Variants in GFPT2 observed in about 807,000 individuals in gnomAD.
GFPT2 encodes the protein glutamine--fructose-6-phosphate aminotransferase [isomerizing] 2.
GFPT2 carries 62 observed loss-of-function variants against 85.6 expected under a neutral mutation model. The ratio of observed to expected loss-of-function variants is 0.72; its 90% CI spans 0.59 to 0.90. The LOEUF (loss-of-function observed/expected upper bound fraction) is 0.90, where lower values mean the gene tolerates loss of function less well. GFPT2 is among the 40% of genes least tolerant of loss of function. GFPT2 has a pLI of 0.00. For missense variants in GFPT2, 788 were observed against 893.4 expected (o/e 0.88, Z 1.50); for synonymous variants, 368 against 344.5 (o/e 1.07, Z -0.75).
At chr5:180,321,209 T>C (rs1428600274) in intron 9 of GFPT2, among the ~76,000 whole-genome samples, 1 of 151,832 alleles carries the variant, frequency 6.6e-6, no homozygotes, top group African/African-American at 2.4e-5. Context: ...AGTAGAAACA[T>C]GGAGTGACAA....
intron 4 of GFPT2, among the ~76,000 whole-genome samples, chr5:180,332,751 G>GC (rs1764327967): frequency 6.6e-6 from 1 of 152,068 alleles, no homozygotes. Context: ...TGTTAGCCAG[G>GC]CTGGTCTCGA....
intron 9 of GFPT2, among the ~76,000 whole-genome samples, chr5:180,320,050 T>G (rs1764088547): frequency 6.6e-6 from 1 of 152,074 alleles, no homozygotes; most frequent in Non-Finnish European, 1.5e-5. Flanking sequence ...TGGAGTGCAG[T>G]GGCGCGATCT....
At chr5:180,305,934 C>A (rs914056559) in intron 16 of GFPT2, among the ~76,000 whole-genome samples, 1 of 151,818 alleles carries the variant, frequency 6.6e-6, no homozygotes, top group Non-Finnish European at 1.5e-5. Context: ...TGAATGTTTC[C>A]GGTAACCACT....
At chr5:180,344,600 G>A (rs1379893553) in intron 1 of GFPT2, among the ~76,000 whole-genome samples, 2 of 152,194 alleles carry the variant, frequency 1.3e-5, no homozygotes, top group African/African-American at 4.8e-5. Context: ...AGTGGGACCT[G>A]AGAGCTTCTG....
chr5:180,315,564 AAGT>A (rs1206852774), intron 13 of GFPT2, among the ~76,000 whole-genome samples: 1 of 152,220 alleles, frequency 6.6e-6, no homozygotes. Context: ...ATTGGCTTCA[AAGT>A]AACCCCATGG....
At chr5:180,303,045 T>C (rs75797946) in intron 17 of GFPT2, among the ~76,000 whole-genome samples, 20,179 of 132,482 alleles carry the variant, frequency 0.15, 2,202 homozygotes, top group East Asian at 0.22. Context: ...CTGGCTAACA[T>C]GGTGAAACCC....
At position 180,312,196 on chromosome 5, in the gene GFPT2, G is replaced by GGGGAGGCGGGGAGGCA. The variant is rs1561873480; in HGVS notation, c.1546+233_1546+234insTGCCTCCCCGCCTCCC. ...CAGGGAGGCTGAGGACCAGGGAGGC[G>GGGGAGGCGGGGAGGCA]GGGAGGCAGGGAGGCAGGGAGGCAG... On this transcript the variant is annotated intron_variant, in intron 15 of 18. Coordinates refer to ENST00000253778, the MANE Select transcript of GFPT2 (RefSeq NM_005110.4). 1.3e-4 allele frequency among the ~76,000 whole-genome samples: 6 copies of GGGGAGGCGGGGAGGCA among 46,734 alleles called. 2 individuals carry two copies. The highest frequency in any genetic ancestry group is 2.4e-4 in the Non-Finnish European group (6 of 25,366). 30.7% of individuals were successfully genotyped at this position (46,734 alleles called of 152,430 possible). A position where few individuals can be genotyped will look rare whatever the true frequency, so the allele number is the denominator to read the frequency against.
chr5:180,337,696 T>C (rs1290034728), intron 2 of GFPT2, among the ~76,000 whole-genome samples: 1 of 151,964 alleles, frequency 6.6e-6, no homozygotes, highest in Non-Finnish European at 1.5e-5. Flanking sequence ...AACACAACGC[T>C]GCGCATACTT....
At position 180,327,236 on chromosome 5, in the gene GFPT2, G is replaced by A. The variant is rs555276631; in HGVS notation, c.596+1041C>T. ...GGCCATTTAGAGCCGGCCTCTGTCC[G>A]CCTCTCCACTCCCCACAGCCTTTGA... On this transcript the variant is annotated intron_variant, in intron 7 of 18. Coordinates refer to ENST00000253778, the MANE Select transcript of GFPT2 (RefSeq NM_005110.4). Among the ~76,000 whole-genome samples, 7 of 152,220 alleles carry A rather than the reference G, an allele frequency of 4.6e-5. 1 individual carries two copies. Among genetic ancestry groups the A allele is most frequent in the East Asian group, 1.9e-4 (1 of 5,172 alleles).
chr5:180,313,970 G>T lies in GFPT2; in HGVS notation c.1274-6C>A. 1 of 1,589,290 alleles carries T rather than the reference G, an allele frequency of 6.3e-7. No individual in the cohort carries two copies. Among genetic ancestry groups the T allele is most frequent in the Non-Finnish European group, 8.5e-7 (1 of 1,174,468 alleles). ...GAGGGTGTCCGCGGTCTCGCCTGCC[G>T]CCCAGGGGCCCTCTCAGTGCCGCGC... On this transcript the variant is annotated splice_polypyrimidine_tract_variant and splice_region_variant and intron_variant, in intron 13 of 18. Transcript: ENST00000253778.
intron 1 of GFPT2, among the ~76,000 whole-genome samples, chr5:180,349,781 A>C (rs1764675737): frequency 6.6e-6 from 1 of 152,044 alleles, no homozygotes; most frequent in East Asian, 1.9e-4. Context: ...CAGCCAGTGG[A>C]GACGAACACA....
chr5:180,319,570 C>G (rs1305667420), intron 9 of GFPT2, among the ~76,000 whole-genome samples: 1 of 152,116 alleles, frequency 6.6e-6, no homozygotes, highest in Non-Finnish European at 1.5e-5. Context: ...ATTAATAGCT[C>G]TAATCAAGGA....
In GFPT2 at chr5:180,318,074, A is replaced by G. The variant is rs1240434962; in HGVS notation, c.958+719T>C. Among the ~76,000 whole-genome samples, 1 of 152,150 alleles carries G rather than the reference A, an allele frequency of 6.6e-6. No individual in the cohort carries two copies. Among genetic ancestry groups the G allele is most frequent in the Non-Finnish European group, 1.5e-5 (1 of 68,036 alleles). On this transcript the variant is annotated intron_variant, in intron 10 of 18. Coordinates refer to ENST00000253778, the MANE Select transcript of GFPT2 (RefSeq NM_005110.4). This position sits in a 1 kb window ranked among gnomAD's most constrained non-coding sequence, Gnocchi z 4.2. The stretch of plus-strand genomic sequence containing the variant: ...GGGGAGGGACCATGGCAGACACAGG[A>G]GCAGAGAAGGAGTCTCTGAGGGGGT...
chr5:180,307,252 A>G lies in GFPT2; in HGVS notation c.1598T>C (p.Leu533Pro). Residue 533 changes from leucine to proline, a missense_variant, in exon 16 of 19, where the codon CTG (leucine) becomes CCG (proline). Physicochemically the swap from Leu to Pro is moderately conservative, Grantham distance 98. Transcript: ENST00000253778. ...CAGCGATCTCTGCGTGTAGAGCTCC[A>G]GGGCCAAGTCGTGGATCTTCTCCTC... ...SLEEKIHDLA[L>P]ELYTQRSLLV... 1.2e-6 allele frequency: 2 copies of G among 1,600,634 alleles called. No individual in the cohort carries two copies. The highest frequency in any genetic ancestry group is 8.5e-7 in the Non-Finnish European group (1 of 1,173,670).
At position 180,330,797 on chromosome 5, in the gene GFPT2, G is replaced by A; in HGVS notation, c.437C>T (p.Thr146Ile). 2 of 1,613,168 alleles carry A rather than the reference G, an allele frequency of 1.2e-6. No homozygotes were observed. The highest frequency in any genetic ancestry group is 1.7e-6 in the Non-Finnish European group (2 of 1,179,110). ...TTTAATCAGCTTGGCGATGGTCTCT[G>A]TATCTGTTTCTGACTCAAACTCGTA... ...KGYEFESETD[T>I]ETIAKLIKYV... The change falls in exon 6 of 19, where the codon ACA (threonine) becomes ATA (isoleucine). Residue 146 changes from threonine (T) to isoleucine (I), a missense_variant. By Grantham distance (89) the Thr-to-Ile change is moderately conservative. Coordinates refer to ENST00000253778, the MANE Select transcript of GFPT2 (RefSeq NM_005110.4). This position sits in a 1 kb window ranked among gnomAD's most constrained non-coding sequence, Gnocchi z 4.4.
chr5:180,308,964 G>T (rs1763827751), intron 15 of GFPT2, among the ~76,000 whole-genome samples: 1 of 151,876 alleles, frequency 6.6e-6, no homozygotes, highest in African/African-American at 2.4e-5. Context: ...CGGCCACCCG[G>T]GTTCAAGTGA....
At chr5:180,350,176 C>G (rs1193495699) in intron 1 of GFPT2, among the ~76,000 whole-genome samples, 4 of 152,092 alleles carry the variant, frequency 2.6e-5, no homozygotes, top group African/African-American at 9.7e-5. Flanking sequence ...GTGAGGGAGG[C>G]AGCTGGGAAG....
chr5:180,301,672 G>A, intron 18 of GFPT2, 64 bp from the exon 19 acceptor site: 2 of 1,331,602 alleles, frequency 1.5e-6, no homozygotes, highest in Admixed American at 3.4e-5. Context: ...ACCTCTCACA[G>A]ACAATTTTCA....
At chr5:180,307,862 C>T (rs1008876263) in intron 15 of GFPT2, among the ~76,000 whole-genome samples, 82 of 152,226 alleles carry the variant, frequency 5.4e-4, no homozygotes, top group African/African-American at 1.9e-3. Context: ...CCTGTAATCG[C>T]CGCACTTTGG....
Sources: gnomAD v4.1 joint callset for allele counts (sites outside exome capture counted in the v4.1 genomes callset) on GRCh38, gnomAD v4.1.1 for gene constraint, Gnocchi (gnomAD v3.1) non-coding constraint, MANE v1.5 for transcripts, NCBI Gene and HGNC (gene_info 2026-07-23, HGNC 2026-07-21) for gene names.